The following ROBO1 variants were observed in gnomAD, a reference collection of about 807,000 sequenced individuals.
ROBO1 encodes roundabout guidance receptor 1.
Under a neutral mutation model 195.9 loss-of-function variants are expected in ROBO1, and 149 were observed. The ratio of observed to expected loss-of-function variants is 0.76; its 90% CI spans 0.67 to 0.87. The LOEUF is 0.87. Ranked by LOEUF, ROBO1 falls within the 40% of genes least tolerant of loss-of-function variation. ROBO1 has a pLI of 0.00. For synonymous variants in ROBO1, 816 were observed against 733.2 expected, an observed-to-expected ratio of 1.11 and a Z score of -1.82; for missense variants, 1,933 against 2,068.3, an observed-to-expected ratio of 0.93 and a Z score of 1.27.
chr3:78,697,015 G>A (rs1052439184), intron 8 of ROBO1, among the ~76,000 whole-genome samples: 1 of 145,770 alleles, frequency 6.9e-6, no homozygotes, highest in Admixed American at 7.0e-5. Context: ...ATTTTGACAA[G>A]AACCCCCCTG....
chr3:79,755,140 A>G (rs369546472), intron 1 of ROBO1, among the ~76,000 whole-genome samples: 7 of 152,242 alleles, frequency 4.6e-5, no homozygotes, highest in Admixed American at 2.6e-4. Context: ...TCTGCCTCCC[A>G]AAGTGCTGGG....
chr3:79,667,773 A>G lies in ROBO1; in HGVS notation c.-50-77812T>C, dbSNP rs1010161901. Among the ~76,000 whole-genome samples, 12 of 151,736 alleles carry G rather than the reference A, an allele frequency of 7.9e-5. 1 individual carries two copies. Among genetic ancestry groups the G allele is most frequent in the South Asian group, 4.1e-4 (2 of 4,830 alleles). On this transcript the variant is annotated intron_variant, in intron 1 of 30. Coordinates refer to ENST00000464233, the MANE Select transcript of ROBO1 (RefSeq NM_002941.4). ...GTATTCTTAGAATATCACTACCTTC[A>G]TTTGTATTTTTGTTCCTTATATTAA...
intron 2 of ROBO1, among the ~76,000 whole-genome samples, chr3:79,470,196 G>C (rs928731360): frequency 6.6e-6 from 1 of 152,148 alleles, no homozygotes; most frequent in African/African-American, 2.4e-5. Flanking sequence ...TTAAGAAAAT[G>C]TGGCACATAT....
intron 29 of ROBO1, among the ~76,000 whole-genome samples, chr3:78,604,603 G>A (rs1485593122): frequency 6.6e-6 from 1 of 152,188 alleles, no homozygotes; most frequent in African/African-American, 2.4e-5. Context: ...CACAATAGAG[G>A]CATCAGCCTG....
chr3:78,623,647 T>A (rs1177568706), intron 26 of ROBO1, among the ~76,000 whole-genome samples: 1 of 152,162 alleles, frequency 6.6e-6, no homozygotes, highest in African/African-American at 2.4e-5. Flanking sequence ...GGAATTAGAC[T>A]GAAGGAGGAG....
At position 79,547,184 on chromosome 3, in the gene ROBO1, CAAAAAAAAAAAAA is replaced by C. The variant is rs1162585941; in HGVS notation, c.88+42627_88+42639del. Among the ~76,000 whole-genome samples, 18 of 23,278 alleles carry C rather than the reference CAAAAAAAAAAAAA, an allele frequency of 7.7e-4. 1 individual carries two copies. Among genetic ancestry groups the C allele is most frequent in the African/African-American group, 2.3e-3 (16 of 6,898 alleles). The allele number at this position is 23,278 out of a possible 152,430, so 15.3% of individuals were successfully genotyped here. On this transcript the variant is annotated intron_variant, in intron 2 of 30. Transcript: ENST00000464233. ...TGGCAGACAGAGCGAGACTCCGCCT[CAAAAAAAAAAAAA>C]AAAAAAAAAAAAAAAAGACTTCATT...
At chr3:78,837,890 G>A (rs563914875) in intron 4 of ROBO1, among the ~76,000 whole-genome samples, 2 of 152,292 alleles carry the variant, frequency 1.3e-5, no homozygotes, top group African/African-American at 4.8e-5. Flanking sequence ...ATGCCATGTT[G>A]CATAATGCTT....
At chr3:78,832,892 G>A (rs2032357503) in intron 4 of ROBO1, among the ~76,000 whole-genome samples, 1 of 152,208 alleles carries the variant, frequency 6.6e-6, no homozygotes, top group East Asian at 1.9e-4. Context: ...ACAAGGTGCT[G>A]TATTCAGCAA....
intron 25 of ROBO1, among the ~76,000 whole-genome samples, chr3:78,627,980 T>C (rs1035868832): frequency 6.9e-6 from 1 of 145,968 alleles, no homozygotes; most frequent in African/African-American, 2.6e-5. Flanking sequence ...TGAGATGGAG[T>C]TTCGCTCTTG....
intron 3 of ROBO1, among the ~76,000 whole-genome samples, chr3:78,979,383 T>C (rs940180352): frequency 1.3e-5 from 2 of 152,228 alleles, no homozygotes; most frequent in Non-Finnish European, 2.9e-5. Context: ...ACAACCCTGC[T>C]GTTCCATACA....
chr3:78,670,154 G>T lies in ROBO1; in HGVS notation c.1490C>A (p.Thr497Asn). The T allele has an allele frequency of 6.2e-7, 1 of 1,613,372 alleles. No individual in the cohort carries two copies. The change falls in exon 11 of 31, where the codon ACC (threonine) becomes AAC (asparagine). Residue 497 changes from threonine to asparagine, a missense_variant. By Grantham distance (65) the Thr-to-Asn change is moderately conservative (BLOSUM62 0). Transcript: ENST00000464233. ...CAACTGTTTGATTCGAGAGTCTTGG[G>T]TTGAAACGAGGACTCCATCCTTTCT... The part of the protein sequence containing the change: ...LWRKDGVLVS[T>N]QDSRIKQLEN...
chr3:78,635,760 C>T lies in ROBO1; in HGVS notation c.3373+13G>A. ...ATACAGAAACAGATGGGAATACATG[C>T]AAGCCTCTTCACCTTTGTTCAGCTT... On this transcript the variant is annotated intron_variant, in intron 23 of 30. Transcript: ENST00000464233. 1 of 1,609,774 alleles carries T rather than the reference C, an allele frequency of 6.2e-7. No individual in the cohort carries two copies. Among genetic ancestry groups the T allele is most frequent in the Non-Finnish European group, 8.5e-7 (1 of 1,176,774 alleles).
chr3:78,933,390 T>C (rs1480685), intron 4 of ROBO1, among the ~76,000 whole-genome samples: 18,159 of 152,120 alleles, frequency 0.12, 2,751 homozygotes, highest in African/African-American at 0.36. Context: ...AAATGACAAG[T>C]GTCTTTTCTC....
At chr3:79,437,148 G>A (rs1054879458) in intron 2 of ROBO1, among the ~76,000 whole-genome samples, 3 of 152,000 alleles carry the variant, frequency 2.0e-5, no homozygotes, top group African/African-American at 7.2e-5. Context: ...TGAGAATCAA[G>A]AAAGGCTGAT....
chr3:79,602,417 G>A (rs983650644), intron 1 of ROBO1, among the ~76,000 whole-genome samples: 1 of 151,954 alleles, frequency 6.6e-6, no homozygotes, highest in Non-Finnish European at 1.5e-5. Flanking sequence ...AAGGCATTTA[G>A]CTTTAAACCA....
At chr3:78,916,557 GA>G (rs969858186) in intron 4 of ROBO1, among the ~76,000 whole-genome samples, 148 of 74,158 alleles carry the variant, frequency 2.0e-3, no homozygotes, top group Middle Eastern at 8.1e-3. Context: ...GTCTCAAAAA[GA>G]AAAAAAAAAA....
intron 8 of ROBO1, among the ~76,000 whole-genome samples, chr3:78,711,605 C>A (rs2081749917): frequency 6.6e-6 from 1 of 150,744 alleles, no homozygotes; most frequent in Non-Finnish European, 1.5e-5. Context: ...CCTGCCTCAG[C>A]CTCCAGAGTA....
chr3:79,445,219 A>G (rs1187072624), intron 2 of ROBO1, among the ~76,000 whole-genome samples: 3 of 151,826 alleles, frequency 2.0e-5, no homozygotes, highest in African/African-American at 7.3e-5. Context: ...CATAAGATAC[A>G]TATTTGCGTA....
intron 3 of ROBO1, among the ~76,000 whole-genome samples, chr3:79,110,032 G>A (rs377636121): frequency 6.6e-6 from 1 of 152,124 alleles, no homozygotes; most frequent in Admixed American, 6.6e-5. Context: ...GAGAATAGAA[G>A]CGAGATTTCC....
Sources: gnomAD v4.1 joint callset for allele counts (sites outside exome capture counted in the v4.1 genomes callset) on GRCh38, gnomAD v4.1.1 for gene constraint, MANE v1.5 for transcripts, NCBI Gene and HGNC (gene_info 2026-07-23, HGNC 2026-07-21) for gene names.